Variants in GDAP1 observed in about 807,000 individuals in gnomAD.
The protein encoded by GDAP1 is ganglioside-induced differentiation-associated protein 1.
A neutral mutation model predicts 40.1 loss-of-function variants in GDAP1; 34 were observed. The observed-to-expected ratio is 0.85, with a 90% CI of 0.64 to 1.13. The LOEUF (loss-of-function observed/expected upper bound fraction) is 1.13. GDAP1 is among the 50% of genes most tolerant of loss of function. GDAP1 has a pLI of 0.00. For missense variants in GDAP1, 374 were observed against 433.7 expected (o/e 0.86, Z 1.22); for synonymous variants, 170 against 157.4 (o/e 1.08, Z -0.60).
At chr8:74,473,083 AT>A (rs34633437) in intron 2 of GDAP1, among the ~76,000 whole-genome samples, 61,521 of 147,878 alleles carry the variant, frequency 0.42, 13,864 homozygotes, top group African/African-American at 0.62. Flanking sequence ...GGCTGCATGT[AT>A]TTTTTTTTTT....
intron 2 of GDAP1, among the ~76,000 whole-genome samples, chr8:74,399,202 T>C (rs1294442877): frequency 6.7e-6 from 1 of 150,274 alleles, no homozygotes; most frequent in Non-Finnish European, 1.5e-5. Context: ...GTTGGTAAGC[T>C]ATTGATTATT....
At chr8:74,432,172 G>A (rs189185764) in intron 2 of GDAP1, among the ~76,000 whole-genome samples, 8 of 152,246 alleles carry the variant, frequency 5.3e-5, no homozygotes, top group Admixed American at 5.2e-4. Flanking sequence ...CCTTTGGAGG[G>A]TGCATAACTC....
At chr8:74,480,231 C>T (rs1806693780) in intron 2 of GDAP1, among the ~76,000 whole-genome samples, 1 of 152,038 alleles carries the variant, frequency 6.6e-6, no homozygotes, top group African/African-American at 2.4e-5. Flanking sequence ...CTCAAGATCA[C>T]CCGCCTCGGC....
At chr8:74,382,152 C>T (rs564286674) in intron 2 of GDAP1, among the ~76,000 whole-genome samples, 144 of 152,160 alleles carry the variant, frequency 9.5e-4, no homozygotes, top group South Asian at 1.9e-3. Context: ...TTTATGGATG[C>T]GCAAATTGTC....
chr8:74,403,043 A>G (rs1805581100), intron 2 of GDAP1, among the ~76,000 whole-genome samples: 1 of 150,160 alleles, frequency 6.7e-6, no homozygotes, highest in South Asian at 2.1e-4. Flanking sequence ...TAATATAAAA[A>G]TGGACATTTT....
chr8:74,420,791 G>C (rs1805847052), intron 2 of GDAP1, among the ~76,000 whole-genome samples: 1 of 150,496 alleles, frequency 6.6e-6, no homozygotes, highest in South Asian at 2.2e-4. Flanking sequence ...AAATTACACT[G>C]TGGTATACTG....
intron 2 of GDAP1, among the ~76,000 whole-genome samples, chr8:74,380,714 A>G (rs1227852631): frequency 6.6e-6 from 1 of 152,208 alleles, no homozygotes; most frequent in African/African-American, 2.4e-5. Flanking sequence ...TTAAAAGACA[A>G]AAATTTTTCT....
chr8:74,487,363 T>C (rs1806789155), intron 2 of GDAP1, among the ~76,000 whole-genome samples: 2 of 152,164 alleles, frequency 1.3e-5, no homozygotes, highest in Admixed American at 1.3e-4. Flanking sequence ...TCATAGCCAT[T>C]CTTCTTTCCA....
At chr8:74,392,077 C>T (rs1281007603) in intron 2 of GDAP1, among the ~76,000 whole-genome samples, 1 of 152,170 alleles carries the variant, frequency 6.6e-6, no homozygotes, top group Admixed American at 6.5e-5. Flanking sequence ...CCTCGGCCTC[C>T]CAAAGTGCTG....
chr8:74,458,442 T>G (rs1806362474), intron 2 of GDAP1, among the ~76,000 whole-genome samples: 1 of 152,202 alleles, frequency 6.6e-6, no homozygotes, highest in Non-Finnish European at 1.5e-5. Context: ...ATGGATACAC[T>G]TCTTCAGTAG....
chr8:74,464,643 G>C (rs1453635690), intron 2 of GDAP1, among the ~76,000 whole-genome samples: 2 of 152,232 alleles, frequency 1.3e-5, no homozygotes, highest in Non-Finnish European at 2.9e-5. Flanking sequence ...TCCAGATGGA[G>C]CCCCTAATAT....
At chr8:74,353,831 G>A (rs978645044) in intron 2 of GDAP1, among the ~76,000 whole-genome samples, 1 of 152,182 alleles carries the variant, frequency 6.6e-6, no homozygotes, top group Admixed American at 6.5e-5. Context: ...GTAAATTACT[G>A]TCTTTAAATC....
chr8:74,456,131 G>A (rs1563474272), intron 2 of GDAP1, among the ~76,000 whole-genome samples: 1 of 151,718 alleles, frequency 6.6e-6, no homozygotes, highest in Non-Finnish European at 1.5e-5. Context: ...TTTTGTTCAT[G>A]CTCAAATTCC....
chr8:74,402,051 T>C (rs1207495786), intron 2 of GDAP1, among the ~76,000 whole-genome samples: 1 of 150,200 alleles, frequency 6.7e-6, no homozygotes, highest in Non-Finnish European at 1.5e-5. Context: ...GATCTCCAGC[T>C]GCGTGCTGGG....
intron 2 of GDAP1, among the ~76,000 whole-genome samples, chr8:74,485,055 T>A (rs1051518375): frequency 6.6e-6 from 1 of 152,178 alleles, no homozygotes; most frequent in African/African-American, 2.4e-5. Flanking sequence ...TCACAAATGG[T>A]GCTCTGTCAC....
Position 74,360,300 on chromosome 8 carries a change from A to G in GDAP1, c.474A>G (p.Thr158=), listed in dbSNP as rs202215041. 132 of 1,612,360 alleles carry G rather than the reference A, an allele frequency of 8.2e-5. 1 individual carries two copies. In the Admixed American group the frequency reaches 1.9e-3, roughly 23 times the overall value. The change falls in exon 3 of 6, where the codon ACA becomes ACG. Residue 158 remains threonine (T), a synonymous_variant. Transcript: ENST00000220822. ...CCATGATCCCGGCTTATGCAACTAC[A>G]AGGATTCGTAGTATGTAAACATTTT... The part of the protein sequence containing the change: ...VDSMIPAYAT[T]RIRSQIGNTE...
At chr8:74,482,107 AG>A in intron 2 of GDAP1, among the ~76,000 whole-genome samples, 1 of 84,614 alleles carries the variant, frequency 1.2e-5, no homozygotes. Context: ...ACCAAACTGA[AG>A]GGTTTTTTTT....
chr8:74,383,956 T>C (rs1809990636), intron 2 of GDAP1, among the ~76,000 whole-genome samples: 3 of 152,150 alleles, frequency 2.0e-5, no homozygotes, highest in Admixed American at 6.5e-5. Context: ...CTCATGTTGT[T>C]ACATAACACG....
chr8:74,406,190 A>G (rs1805638767), intron 2 of GDAP1, among the ~76,000 whole-genome samples: 1 of 150,216 alleles, frequency 6.7e-6, no homozygotes, highest in African/African-American at 2.5e-5. Context: ...GCTGAGTTGT[A>G]ATTCTTAGAT....
Sources: allele counts gnomAD v4.1 joint callset (sites outside exome capture counted in the v4.1 genomes callset), GRCh38; gene constraint gnomAD v4.1.1; transcripts MANE v1.5; gene names NCBI Gene and HGNC (gene_info 2026-07-23, HGNC 2026-07-21).